TSPAN9: variants seen among roughly 807,000 people sequenced by gnomAD.
TSPAN9 encodes the protein tetraspanin 9, also known as tetraspanin-9.
Under a neutral mutation model 31.0 loss-of-function variants are expected in TSPAN9, and 16 were observed. The observed-to-expected ratio is 0.52, with a 90% CI of 0.35 to 0.78. The LOEUF (loss-of-function observed/expected upper bound fraction) is 0.78, where lower values mean the gene tolerates loss of function less well. Ranked by LOEUF, TSPAN9 falls within the 30% of genes least tolerant of loss-of-function variation. The pLI is 0.01. For missense variants in TSPAN9, 272 were observed against 312.5 expected (o/e 0.87, Z 0.98); for synonymous variants, 145 against 121.6 (o/e 1.19, Z -1.27).
intron 2 of TSPAN9, among the ~76,000 whole-genome samples, chr12:3,140,745 G>A (rs979996303): frequency 2.0e-5 from 3 of 152,074 alleles, no homozygotes; most frequent in Admixed American, 6.5e-5. Context: ...TTGGGGTGTG[G>A]GGGCCCACAG....
At chr12:3,245,646 A>G (rs1862108946) in intron 3 of TSPAN9, among the ~76,000 whole-genome samples, 1 of 152,070 alleles carries the variant, frequency 6.6e-6, no homozygotes, top group African/African-American at 2.4e-5. Context: ...GAGCCACCAA[A>G]ACAGTCATAA....
intron 2 of TSPAN9, among the ~76,000 whole-genome samples, chr12:3,156,906 G>A (rs142954239): frequency 2.9e-4 from 44 of 152,292 alleles, no homozygotes; most frequent in South Asian, 1.2e-3. Context: ...GGGGGCAAGG[G>A]CTGAGAGCTA....
chr12:3,259,433 A>G (rs1168872504), intron 3 of TSPAN9, among the ~76,000 whole-genome samples: 2 of 152,148 alleles, frequency 1.3e-5, no homozygotes, highest in African/African-American at 2.4e-5. Context: ...CCCTCCTTCT[A>G]CAGGTATTTA....
Position 3,159,981 on chromosome 12 carries a change from T to C in TSPAN9, c.-17-41196T>C, listed in dbSNP as rs149940184. Among the ~76,000 whole-genome samples, 470 of 152,306 alleles carry C rather than the reference T, an allele frequency of 3.1e-3. 2 individuals carry two copies. Among genetic ancestry groups the C allele is most frequent in the African/African-American group, 0.011 (446 of 41,564 alleles). The stretch of plus-strand genomic sequence containing the variant: ...GTATATTTAATATACAACTCAATGG[T>C]TTAATCTGTTCAAGTTGTATAACCA... On this transcript the variant is annotated intron_variant, in intron 2 of 8. Transcript: ENST00000011898.
At position 3,201,073 on chromosome 12, in the gene TSPAN9, C is replaced by A. The variant is rs998260526; in HGVS notation, c.-17-104C>A. On this transcript the variant is annotated intron_variant, in intron 2 of 8. Coordinates refer to ENST00000011898, the MANE Select transcript of TSPAN9 (RefSeq NM_006675.5). ...TCTACGGCACCGCGGGCTCCCGGGGCCAGAGCCGCGCCGAGGCCGGCGTTA... is the reference window on the plus strand; with the variant it reads ...TCTACGGCACCGCGGGCTCCCGGGGACAGAGCCGCGCCGAGGCCGGCGTTA... 5.3e-6 allele frequency: 6 copies of A among 1,131,076 alleles called. No individual in the cohort carries two copies. In the Admixed American group the frequency reaches 7.6e-5, roughly 14 times the overall value. 70.1% of individuals were successfully genotyped at this position (1,131,076 alleles called of 1,614,324 possible). A position where few individuals can be genotyped will look rare whatever the true frequency, so the allele number is the denominator to read the frequency against.
chr12:3,201,071 G>A (rs2098371267), intron 2 of TSPAN9, 106 bp from the exon 3 acceptor site: 16 of 1,103,118 alleles, frequency 1.5e-5, no homozygotes, highest in Non-Finnish European at 2.2e-5. Flanking sequence ...GGGCTCCCGG[G>A]GCCAGAGCCG....
chr12:3,237,599 C>T (rs1232611693), intron 3 of TSPAN9, among the ~76,000 whole-genome samples: 2 of 150,524 alleles, frequency 1.3e-5, no homozygotes, highest in Non-Finnish European at 3.0e-5. Flanking sequence ...GCTCTTAGCC[C>T]ACTCTTCTTT....
chr12:3,253,525 G>A (rs893501998), intron 3 of TSPAN9, among the ~76,000 whole-genome samples: 1 of 152,230 alleles, frequency 6.6e-6, no homozygotes, highest in African/African-American at 2.4e-5. Flanking sequence ...GGTGTCTGCC[G>A]CAGGAAGTGT....
At chr12:3,270,835 G>T (rs2153980043) in intron 3 of TSPAN9, among the ~76,000 whole-genome samples, 1 of 152,380 alleles carries the variant, frequency 6.6e-6, no homozygotes, top group East Asian at 1.9e-4. Context: ...TGTAGGTATT[G>T]TAACAGGACT....
At chr12:3,138,129 C>T (rs866756640) in intron 2 of TSPAN9, among the ~76,000 whole-genome samples, 2 of 152,176 alleles carry the variant, frequency 1.3e-5, no homozygotes, top group East Asian at 1.9e-4. Context: ...CAGCGGTGCC[C>T]GTTCTGGAAT....
intron 3 of TSPAN9, among the ~76,000 whole-genome samples, chr12:3,267,188 A>G (rs756454790): frequency 2.6e-5 from 4 of 152,234 alleles, no homozygotes; most frequent in Admixed American, 6.5e-5. Flanking sequence ...AATGAGTTAC[A>G]GTCTCCTAGA....
intron 3 of TSPAN9, among the ~76,000 whole-genome samples, chr12:3,209,311 A>G (rs2098377102): frequency 6.6e-6 from 1 of 152,128 alleles, no homozygotes; most frequent in South Asian, 2.1e-4. Flanking sequence ...TCGTGGCCAT[A>G]GTGCACACCT....
intron 2 of TSPAN9, among the ~76,000 whole-genome samples, chr12:3,126,030 C>G (rs1439782486): frequency 6.6e-6 from 1 of 152,158 alleles, no homozygotes; most frequent in African/African-American, 2.4e-5. Flanking sequence ...TGAAAATGCT[C>G]TCCTATAGTG....
At chr12:3,226,752 A>G (rs1304355020) in intron 3 of TSPAN9, among the ~76,000 whole-genome samples, 1 of 1,592 alleles carries the variant, frequency 6.3e-4, no homozygotes, top group Non-Finnish European at 1.3e-3. Flanking sequence ...GTGTATATAT[A>G]TATATATATA....
intron 3 of TSPAN9, among the ~76,000 whole-genome samples, chr12:3,227,050 G>A (rs1341757094): frequency 6.6e-6 from 1 of 151,704 alleles, no homozygotes; most frequent in Non-Finnish European, 1.5e-5. Flanking sequence ...ATGTCTGGGT[G>A]GCTGAGGCTG....
intron 3 of TSPAN9, among the ~76,000 whole-genome samples, chr12:3,264,328 G>A (rs563766000): frequency 4.7e-4 from 72 of 152,296 alleles, no homozygotes; most frequent in African/African-American, 1.6e-3. Context: ...CTTCCCGCCC[G>A]CCAGCCCGCC....
At chr12:3,137,123 A>C (rs1407257029) in intron 2 of TSPAN9, among the ~76,000 whole-genome samples, 1 of 152,184 alleles carries the variant, frequency 6.6e-6, no homozygotes, top group African/African-American at 2.4e-5. Flanking sequence ...GGACCTTCCA[A>C]ACTAAGGGGC....
At chr12:3,237,250 G>T (rs2098394260) in intron 3 of TSPAN9, among the ~76,000 whole-genome samples, 2 of 150,858 alleles carry the variant, frequency 1.3e-5, no homozygotes, top group Non-Finnish European at 3.0e-5. Context: ...TGTGTCAGCG[G>T]CTCTATAGGA....
chr12:3,175,271 G>C (rs538752930), intron 2 of TSPAN9, among the ~76,000 whole-genome samples: 10 of 152,164 alleles, frequency 6.6e-5, no homozygotes, highest in Non-Finnish European at 1.3e-4. Flanking sequence ...AGTCTTCCTC[G>C]GCCTTGACCT....
Sources: gnomAD v4.1 joint callset for allele counts (sites outside exome capture counted in the v4.1 genomes callset) on GRCh38, gnomAD v4.1.1 for gene constraint, MANE v1.5 for transcripts, NCBI Gene and HGNC (gene_info 2026-07-23, HGNC 2026-07-21) for gene names.